LIMA1: variants seen among roughly 807,000 people sequenced by gnomAD.
LIMA1 encodes LIM domain and actin-binding protein 1.
A neutral mutation model predicts 62.6 loss-of-function variants in LIMA1; 52 were observed. The ratio of observed to expected loss-of-function variants is 0.83; its 90% CI spans 0.67 to 1.05. The LOEUF (loss-of-function observed/expected upper bound fraction) is 1.05, where lower values mean the gene tolerates loss of function less well. Among genes scored for constraint, LIMA1 ranks in the 50% least tolerant of loss-of-function variants. The pLI, the probability that LIMA1 is intolerant of heterozygous loss-of-function variation, is 0.00. For synonymous variants in LIMA1, 302 were observed against 317.8 expected (o/e 0.95, Z 0.53); for missense variants, 780 against 902.2 (o/e 0.86, Z 1.74).
At chr12:50,251,866 G>A (rs894378626) in intron 1 of LIMA1, among the ~76,000 whole-genome samples, 3 of 152,116 alleles carry the variant, frequency 2.0e-5, no homozygotes, top group African/African-American at 7.2e-5. Flanking sequence ...GACCACACTT[G>A]TCTTCACAGA....
chr12:50,240,061 A>C (rs377010555), intron 2 of LIMA1, among the ~76,000 whole-genome samples: 4,044 of 121,128 alleles, frequency 0.033, 153 homozygotes, highest in African/African-American at 0.12. Context: ...CATAACATAA[A>C]ATAAAAAATT....
At chr12:50,248,591 G>T in intron 2 of LIMA1, 42 bp downstream of exon 2, 1 of 1,228,688 alleles carries the variant, frequency 8.1e-7, no homozygotes, top group Non-Finnish European at 1.2e-6. Flanking sequence ...GGCAATGTGT[G>T]CTCCAGACAG....
intron 7 of LIMA1, chr12:50,196,163 C>T (rs912846279): frequency 2.8e-5 from 10 of 353,390 alleles, no homozygotes; most frequent in Non-Finnish European, 4.6e-5. Flanking sequence ...CTTTATAAAA[C>T]AACTTCTAAA....
Position 50,177,171 on chromosome 12 carries a change from T to G in LIMA1, c.2173A>C (p.Lys725Gln). The change falls in exon 11 of 11, where the codon AAA (lysine) becomes CAA (glutamine). Residue 725 changes from lysine to glutamine, a missense_variant. Coordinates refer to ENST00000341247, the MANE Select transcript of LIMA1 (RefSeq NM_016357.5). ...TCCCAGAGTTCCACATCCTGGGATT[T>G]CTGATTCTGAGTAGTGAATTCTTCA... ...FAEEFTTQNQ[K>Q]SQDVELWEGE... 1 of 1,614,104 alleles carries G rather than the reference T, an allele frequency of 6.2e-7. No individual in the cohort carries two copies. The highest frequency in any genetic ancestry group is 8.5e-7 in the Non-Finnish European group (1 of 1,179,972).
chr12:50,199,385 C>T (rs1940996370), intron 7 of LIMA1, among the ~76,000 whole-genome samples: 1 of 152,126 alleles, frequency 6.6e-6, no homozygotes, highest in Non-Finnish European at 1.5e-5. Context: ...GTTTCCAAAT[C>T]TCTGTTGTAT....
chr12:50,185,469 C>A (rs1293168772), intron 9 of LIMA1: 1 of 456,130 alleles, frequency 2.2e-6, no homozygotes. Context: ...CAAACAGGAA[C>A]CTTCAATGAA....
intron 2 of LIMA1, chr12:50,234,204 GAAC>G (rs1306556693): frequency 2.4e-6 from 1 of 417,754 alleles, no homozygotes. Context: ...AGACCACCCA[GAAC>G]AACCTTTTTT....
At chr12:50,247,640 T>TATTATTATTATTATTATTA (rs1375645482) in intron 2 of LIMA1, among the ~76,000 whole-genome samples, 2 of 149,662 alleles carry the variant, frequency 1.3e-5, no homozygotes, top group African/African-American at 4.9e-5. Flanking sequence ...TTATTATTAT[T>TATTATTATTATTATTATTA]TAAGACAGAG....
chr12:50,197,231 C>T (rs1297649603), intron 7 of LIMA1, among the ~76,000 whole-genome samples: 2 of 151,956 alleles, frequency 1.3e-5, no homozygotes, highest in Non-Finnish European at 2.9e-5. Context: ...TTATCACACC[C>T]GGCTAATTTT....
chr12:50,192,204 A>C (rs575083519), intron 9 of LIMA1, among the ~76,000 whole-genome samples: 1 of 152,248 alleles, frequency 6.6e-6, no homozygotes, highest in South Asian at 2.1e-4. Flanking sequence ...ATTATTTTAA[A>C]ACTTTCATGA....
At chr12:50,256,762 C>A (rs1047399517) in intron 1 of LIMA1, among the ~76,000 whole-genome samples, 9 of 151,984 alleles carry the variant, frequency 5.9e-5, no homozygotes, top group African/African-American at 2.2e-4. Context: ...TGGGGAAGGG[C>A]AAATACAAGA....
chr12:50,260,216 T>A (rs1942048626), intron 1 of LIMA1, among the ~76,000 whole-genome samples: 1 of 151,924 alleles, frequency 6.6e-6, no homozygotes, highest in South Asian at 2.1e-4. Flanking sequence ...GTCGCAATCT[T>A]GGCTCACTGC....
chr12:50,253,977 G>A (rs1326610108), intron 1 of LIMA1, among the ~76,000 whole-genome samples: 3 of 141,454 alleles, frequency 2.1e-5, no homozygotes, highest in East Asian at 4.3e-4. Flanking sequence ...GCAGTGAGTC[G>A]AGATCATGCC....
intron 2 of LIMA1, among the ~76,000 whole-genome samples, chr12:50,235,273 C>CTTT (rs1036341264): frequency 7.3e-4 from 91 of 124,374 alleles, no homozygotes; most frequent in Non-Finnish European, 1.1e-3. Context: ...AATCCTATCA[C>CTTT]TTTTTTTTTT....
intron 1 of LIMA1, among the ~76,000 whole-genome samples, chr12:50,263,826 T>TAGAGAGAGTATATATATATATATAG (rs1942101763): frequency 8.2e-6 from 1 of 121,980 alleles, no homozygotes; most frequent in East Asian, 2.4e-4. Context: ...TATATATATA[T>TAGAGAGAGTATATATATATATATAG]AGAGAGAGTA....
chr12:50,193,515 G>C (rs1159697654), intron 8 of LIMA1, among the ~76,000 whole-genome samples: 2 of 110,624 alleles, frequency 1.8e-5, no homozygotes, highest in African/African-American at 3.6e-5. Flanking sequence ...GTGTATATAT[G>C]ATATATATAC....
At chr12:50,225,591 C>T (rs543809779) in intron 3 of LIMA1, among the ~76,000 whole-genome samples, 8 of 152,316 alleles carry the variant, frequency 5.3e-5, no homozygotes, top group African/African-American at 1.9e-4. Context: ...CTCACTCTGT[C>T]ACCCAGGCTA....
chr12:50,255,603 G>T (rs1176885859), intron 1 of LIMA1, among the ~76,000 whole-genome samples: 1 of 142,592 alleles, frequency 7.0e-6, no homozygotes, highest in African/African-American at 2.6e-5. Context: ...AGAAAGAAAA[G>T]AAAGGAAAGA....
At chr12:50,247,641 T>TTATTA (rs1433679716) in intron 2 of LIMA1, among the ~76,000 whole-genome samples, 11 of 51,770 alleles carry the variant, frequency 2.1e-4, no homozygotes, top group African/African-American at 1.2e-3. Flanking sequence ...TATTATTATT[T>TTATTA]AAGACAGAGT....
Sources: allele counts gnomAD v4.1 joint callset (sites outside exome capture counted in the v4.1 genomes callset), GRCh38; gene constraint gnomAD v4.1.1; transcripts MANE v1.5; gene names NCBI Gene and HGNC (gene_info 2026-07-23, HGNC 2026-07-21).